LRP1B: variants seen among roughly 807,000 people sequenced by gnomAD.
LRP1B encodes the protein LDL receptor related protein 1B.
Under a neutral mutation model 556.6 loss-of-function variants are expected in LRP1B, and 217 were observed. The observed-to-expected ratio is 0.39, with a 90% CI of 0.35 to 0.44. The LOEUF is 0.44. LRP1B is among the 20% of genes least tolerant of loss of function. The pLI is 1.00. For missense variants in LRP1B, 5,053 were observed against 5,620.8 expected (o/e 0.90, Z 3.23); for synonymous variants, 2,047 against 1,865.8 (o/e 1.10, Z -2.50).
At chr2:140,898,307 T>C (rs1694008299) in intron 23 of LRP1B, 1 of 153,080 alleles carries the variant, frequency 6.5e-6, no homozygotes, top group African/African-American at 2.4e-5. Flanking sequence ...TATCACCAGG[T>C]TCCTATCCAG....
At chr2:141,802,849 T>C (rs1696052481) in intron 2 of LRP1B, among the ~76,000 whole-genome samples, 2 of 152,106 alleles carry the variant, frequency 1.3e-5, no homozygotes, top group Admixed American at 6.6e-5. Context: ...TAGTTGTAGA[T>C]AAATGATGGA....
rs1684227035 is a variant in LRP1B, at chr2:141,250,656, C to T, written c.464-3302G>A. Among the ~76,000 whole-genome samples the T allele has an allele frequency of 2.0e-5, 3 of 152,230 alleles. No individual in the cohort carries two copies. In the Middle Eastern group the frequency reaches 0.01, roughly 518 times the overall value. ...GCTGTAGGAATGCTCACATTTATAA[C>T]TGGTTGGTTCAGAGGTATAGGTGAG... On this transcript the variant is annotated intron_variant, in intron 4 of 90. Transcript: ENST00000389484.
chr2:140,292,425 T>G (rs75408349), intron 84 of LRP1B, among the ~76,000 whole-genome samples: 1,953 of 152,282 alleles, frequency 0.013, 21 homozygotes, highest in Non-Finnish European at 0.02. Flanking sequence ...AGGCTTTCCC[T>G]TTGCATATGC....
chr2:141,863,016 TC>T (rs1237746525), intron 1 of LRP1B, among the ~76,000 whole-genome samples: 1 of 152,208 alleles, frequency 6.6e-6, no homozygotes. Flanking sequence ...CATTAAGCTG[TC>T]ATTCCTTGAA....
At chr2:141,679,375 T>C (rs537825050) in intron 2 of LRP1B, among the ~76,000 whole-genome samples, 6 of 152,322 alleles carry the variant, frequency 3.9e-5, no homozygotes, top group Non-Finnish European at 7.3e-5. Flanking sequence ...GGAAAATTTG[T>C]TATGCCGTAA....
chr2:141,278,734 C>G (rs998655019), intron 3 of LRP1B, among the ~76,000 whole-genome samples: 1 of 152,192 alleles, frequency 6.6e-6, no homozygotes, highest in African/African-American at 2.4e-5. Flanking sequence ...TCCATACATT[C>G]AAGTCTGGAA....
intron 3 of LRP1B, among the ~76,000 whole-genome samples, chr2:141,304,859 G>T (rs560853385): frequency 2.0e-5 from 3 of 152,116 alleles, no homozygotes; most frequent in East Asian, 1.9e-4. Context: ...ATTCAAAAGG[G>T]TATCTTTCCT....
chr2:140,912,854 A>G (rs1337611741), intron 21 of LRP1B, among the ~76,000 whole-genome samples: 1 of 151,836 alleles, frequency 6.6e-6, no homozygotes, highest in African/African-American at 2.4e-5. Flanking sequence ...CCCAAAATAA[A>G]TTGATACAAT....
chr2:140,981,446 C>G (rs1215503212), intron 18 of LRP1B, among the ~76,000 whole-genome samples: 2 of 152,040 alleles, frequency 1.3e-5, no homozygotes, highest in South Asian at 2.1e-4. Flanking sequence ...AAATAAAGCA[C>G]AAGTCTTAGA....
chr2:140,457,711 C>A (rs1242289384), intron 60 of LRP1B, 60 bp from the exon 61 acceptor site: 1 of 1,336,452 alleles, frequency 7.5e-7, no homozygotes, highest in South Asian at 1.2e-5. Context: ...TTAAAATATT[C>A]AATACTACAT....
chr2:141,199,806 C>T (rs946334033), intron 6 of LRP1B, among the ~76,000 whole-genome samples: 1 of 152,012 alleles, frequency 6.6e-6, no homozygotes, highest in African/African-American at 2.4e-5. Flanking sequence ...TACATCTGGC[C>T]AACAAACATG....
chr2:141,806,181 C>T (rs10211128), intron 2 of LRP1B, among the ~76,000 whole-genome samples: 1 of 152,028 alleles, frequency 6.6e-6, no homozygotes, highest in African/African-American at 2.4e-5. Flanking sequence ...GGAATTAAAT[C>T]TTGAATACCT....
rs542270096 is a variant in LRP1B, at chr2:141,493,044, T to C, written c.206-12511A>G. On this transcript the variant is annotated intron_variant, in intron 2 of 90. Transcript: ENST00000389484. ...ACTTCCTATGTTCCAGGCTCTGTGG[T>C]GAGCACATAATGTCCATTATCTTAT... Among the ~76,000 whole-genome samples, 22 of 152,262 alleles carry C rather than the reference T, an allele frequency of 1.4e-4. No individual in the cohort carries two copies. The Middle Eastern group carries it at 0.017, about 118-fold the overall frequency.
At chr2:140,507,780 A>C (rs1689482119) in intron 52 of LRP1B, among the ~76,000 whole-genome samples, 2 of 152,310 alleles carry the variant, frequency 1.3e-5, no homozygotes, top group Admixed American at 6.5e-5. Context: ...AAATAGCAAT[A>C]ATCCGCTATA....
intron 85 of LRP1B, 109 bp downstream of exon 85, chr2:140,274,315 C>A (rs895567700): frequency 2.2e-5 from 22 of 992,456 alleles, no homozygotes; most frequent in East Asian, 5.1e-5. Flanking sequence ...GGGCACAATA[C>A]GGAATTTTAG....
intron 27 of LRP1B, among the ~76,000 whole-genome samples, chr2:140,857,946 A>G (rs2105134372): frequency 6.6e-6 from 1 of 152,280 alleles, no homozygotes; most frequent in Non-Finnish European, 1.5e-5. Flanking sequence ...TTTGAAAGAA[A>G]AAAAAACATA....
intron 3 of LRP1B, among the ~76,000 whole-genome samples, chr2:141,265,675 T>C (rs747034164): frequency 2.6e-5 from 4 of 152,206 alleles, no homozygotes; most frequent in Admixed American, 6.5e-5. Flanking sequence ...GCCTTTCCCT[T>C]ATTCTCAAAA....
chr2:141,269,065 G>A (rs1169889669), intron 3 of LRP1B, among the ~76,000 whole-genome samples: 1 of 152,186 alleles, frequency 6.6e-6, no homozygotes. Flanking sequence ...CCATGATGCA[G>A]ATGTTTTGCT....
At chr2:140,408,844 T>C (rs1684855527) in intron 66 of LRP1B, among the ~76,000 whole-genome samples, 1 of 151,846 alleles carries the variant, frequency 6.6e-6, no homozygotes. Context: ...TAAGCAGGCA[T>C]GGGAATGTTT....
Sources: allele counts gnomAD v4.1 joint callset (sites outside exome capture counted in the v4.1 genomes callset), GRCh38; gene constraint gnomAD v4.1.1; transcripts MANE v1.5; gene names NCBI Gene and HGNC (gene_info 2026-07-23, HGNC 2026-07-21).